The following FNBP1 variants were observed in gnomAD, a reference collection of about 807,000 sequenced individuals.
The protein encoded by FNBP1 is formin binding protein 1.
Under a neutral mutation model 90.6 loss-of-function variants are expected in FNBP1, and 26 were observed. The observed-to-expected ratio is 0.29, with a 90% CI of 0.21 to 0.40. The LOEUF is 0.40. Ranked by LOEUF, FNBP1 falls within the 10% of genes least tolerant of loss-of-function variation. FNBP1 has a pLI of 1.00. For missense variants in FNBP1, 635 were observed against 768.0 expected (o/e 0.83, Z 2.05); for synonymous variants, 260 against 265.2 (o/e 0.98, Z 0.19).
intron 1 of FNBP1, among the ~76,000 whole-genome samples, chr9:129,998,543 C>T (rs2054359292): frequency 1.3e-5 from 2 of 151,654 alleles, no homozygotes; most frequent in South Asian, 2.1e-4. Flanking sequence ...AAGCCCTCTC[C>T]CTGTATGATT....
chr9:129,912,152 C>G (rs920384018), intron 11 of FNBP1, among the ~76,000 whole-genome samples: 1 of 152,042 alleles, frequency 6.6e-6, no homozygotes, highest in African/African-American at 2.4e-5. Flanking sequence ...CAGCCACTAT[C>G]TCCAGGTAGA....
Position 129,957,250 on chromosome 9 carries a change from C to A in FNBP1, c.513+110G>T. On this transcript the variant is annotated intron_variant, in intron 6 of 16. Coordinates refer to ENST00000446176, the MANE Select transcript of FNBP1 (RefSeq NM_015033.3). This position sits in a 1 kb window ranked among gnomAD's most constrained non-coding sequence, Gnocchi z 4.3. ...ATGGGGTTTCACCATCTTGGCCAGGCTGGTCTCGAACTCCTGGCCTCAGGT... is the reference window on the plus strand; with the variant it reads ...ATGGGGTTTCACCATCTTGGCCAGGATGGTCTCGAACTCCTGGCCTCAGGT... 1 of 722,284 alleles carries A rather than the reference C, an allele frequency of 1.4e-6. No homozygotes were observed. The highest frequency in any genetic ancestry group is 2.4e-6 in the Non-Finnish European group (1 of 425,120). 44.7% of individuals were successfully genotyped at this position (722,284 alleles called of 1,614,324 possible).
rs10988572 is a variant in FNBP1 at position 130,022,822 on chromosome 9, C to T, written c.24+20130G>A. Among the ~76,000 whole-genome samples the T allele has an allele frequency of 4.6e-5, 7 of 151,914 alleles. No individual in the cohort carries two copies. In the East Asian group the frequency reaches 7.7e-4, roughly 17 times the overall value. On this transcript the variant is annotated intron_variant, in intron 1 of 16. Transcript: ENST00000446176. Reference sequence around the variant, plus strand: ...CCAAGTACCTAGGACTACAGGTGTGCGTTAGCACGCCCAACTAATTTTTGT... The same window carrying T: ...CCAAGTACCTAGGACTACAGGTGTGTGTTAGCACGCCCAACTAATTTTTGT...
intron 11 of FNBP1, 48 bp downstream of exon 11, chr9:129,915,918 C>A: frequency 6.8e-7 from 1 of 1,481,102 alleles, no homozygotes; most frequent in Admixed American, 1.7e-5. Flanking sequence ...AAAGACACGC[C>A]AGAAAACCTG....
chr9:129,916,014 T>TA lies in FNBP1; in HGVS notation c.1171-35dup. The TA allele has an allele frequency of 2.6e-6, 4 of 1,547,988 alleles. No homozygotes were observed. In the Middle Eastern group the frequency reaches 5.0e-4, roughly 195 times the overall value. On this transcript the variant is annotated intron_variant, in intron 10 of 16. Transcript: ENST00000446176. ...AAAAATTGGAGAGGTATGGGAAAAA[T>TA]AGAGAGAAAGAGAGAGAGAAAGAGA...
chr9:129,909,014 A>G lies in FNBP1; in HGVS notation c.1186-15T>C. ...GGTGTTGCACCCTGCAGACACAAAT[A>G]TAAATGAGAAACCAGAAAGCCCCAG... On this transcript the variant is annotated splice_polypyrimidine_tract_variant and intron_variant, in intron 11 of 16. Coordinates refer to ENST00000446176, the MANE Select transcript of FNBP1 (RefSeq NM_015033.3). 6.4e-7 allele frequency: 1 copy of G among 1,573,058 alleles called. No homozygotes were observed. Among genetic ancestry groups the G allele is most frequent in the Non-Finnish European group, 8.7e-7 (1 of 1,143,118 alleles).
At chr9:129,974,518 T>C (rs1436083677) in intron 4 of FNBP1, among the ~76,000 whole-genome samples, 2 of 152,212 alleles carry the variant, frequency 1.3e-5, no homozygotes, top group East Asian at 1.9e-4. Flanking sequence ...ACCATAATGC[T>C]AATTCATCAT....
At chr9:129,904,387 A>T (rs764612226) in intron 12 of FNBP1, among the ~76,000 whole-genome samples, 1 of 152,108 alleles carries the variant, frequency 6.6e-6, no homozygotes, top group Non-Finnish European at 1.5e-5. Flanking sequence ...AGCTCTACTA[A>T]TTTTACCCTT....
chr9:129,890,414 CG>C lies in FNBP1; in HGVS notation c.*124del. ...GAGCATGCTGGAGAGAGAGAGAGACCGCCCCGCAGGGATGGGGCTGCGGAGG... is the reference window on the plus strand; with the variant it reads ...GAGCATGCTGGAGAGAGAGAGAGACCCCCCGCAGGGATGGGGCTGCGGAGG... On this transcript the variant is annotated 3_prime_UTR_variant, in exon 17 of 17. Coordinates refer to ENST00000446176, the MANE Select transcript of FNBP1 (RefSeq NM_015033.3). The surrounding 1 kb of genome is among the most constrained non-coding windows in gnomAD (Gnocchi z 5.8). 1.4e-6 allele frequency: 1 copy of C among 734,366 alleles called. No homozygotes were observed. Among genetic ancestry groups the C allele is most frequent in the South Asian group, 1.6e-5 (1 of 63,152 alleles). The allele number at this position is 734,366 out of a possible 1,614,324, so 45.5% of individuals were successfully genotyped here.
chr9:129,967,655 A>AGATGTCAAACAGGTGGCC (rs1334313204), intron 4 of FNBP1, among the ~76,000 whole-genome samples: 1 of 152,178 alleles, frequency 6.6e-6, no homozygotes, highest in East Asian at 1.9e-4. Flanking sequence ...ATCTAAGGAG[A>AGATGTCAAACAGGTGGCC]GATGTCAAAC....
rs983389971 is a variant in FNBP1, at chr9:129,900,348, C to T, written c.1550+78G>A. The T allele has an allele frequency of 2.1e-6, 3 of 1,405,212 alleles. No individual in the cohort carries two copies. Among genetic ancestry groups the T allele is most frequent in the Non-Finnish European group, 2.8e-6 (3 of 1,066,102 alleles). The allele number at this position is 1,405,212 out of a possible 1,614,324, so 87.0% of individuals were successfully genotyped here. A position where few individuals can be genotyped will look rare whatever the true frequency, so the allele number is the denominator to read the frequency against. ...ATTGAACAAGTGCCTTATGGTCATT[C>T]CAGATTCCAAAATTTAGAAATAAAT... On this transcript the variant is annotated intron_variant, in intron 14 of 16. Transcript: ENST00000446176. This position sits in a 1 kb window ranked among gnomAD's most constrained non-coding sequence, Gnocchi z 4.1.
At chr9:129,915,007 T>C in intron 11 of FNBP1, 1 of 355,404 alleles carries the variant, frequency 2.8e-6, no homozygotes, top group Non-Finnish European at 5.9e-6. Context: ...GTTTGACTGT[T>C]GACTAGGCAT....
At chr9:130,009,557 C>T (rs2056263615) in intron 1 of FNBP1, among the ~76,000 whole-genome samples, 1 of 151,964 alleles carries the variant, frequency 6.6e-6, no homozygotes, top group East Asian at 1.9e-4. Flanking sequence ...AATTCCAGCA[C>T]TTCAGGAGAC....
At chr9:130,007,250 A>AAG (rs891119986) in intron 1 of FNBP1, among the ~76,000 whole-genome samples, 1 of 148,842 alleles carries the variant, frequency 6.7e-6, no homozygotes, top group African/African-American at 2.6e-5. Context: ...AAAAAAAAAA[A>AAG]AAAAAAAGAA....
At chr9:129,937,445 A>G (rs954847744) in intron 6 of FNBP1, among the ~76,000 whole-genome samples, 4 of 152,260 alleles carry the variant, frequency 2.6e-5, no homozygotes, top group Middle Eastern at 6.8e-3. Context: ...AAGAATTTTT[A>G]AAGTTGGCCG....
rs544232075 is a variant in FNBP1, at chr9:129,888,230, G to T, written c.*2309C>A. 4.0e-4 allele frequency: 92 copies of T among 232,720 alleles called. No homozygotes were observed. Among genetic ancestry groups the T allele is most frequent in the African/African-American group, 1.9e-3 (86 of 45,422 alleles). The allele number at this position is 232,720 out of a possible 1,614,324, so 14.4% of individuals were successfully genotyped here. On this transcript the variant is annotated 3_prime_UTR_variant, in exon 17 of 17. Coordinates refer to ENST00000446176, the MANE Select transcript of FNBP1 (RefSeq NM_015033.3). ...ATGTTGCAAGAAATGAATCTATCCT[G>T]ACCCATAATATGAAAGATGTGACGC... is the stretch of plus-strand genomic sequence containing the variant.
intron 4 of FNBP1, among the ~76,000 whole-genome samples, chr9:129,970,428 A>G (rs2049278081): frequency 6.6e-6 from 1 of 150,482 alleles, no homozygotes; most frequent in Non-Finnish European, 1.5e-5. Context: ...CTGGTCTCAA[A>G]CTCGCCACCT....
At chr9:130,000,158 C>T (rs1212340925) in intron 1 of FNBP1, among the ~76,000 whole-genome samples, 1 of 152,118 alleles carries the variant, frequency 6.6e-6, no homozygotes, top group African/African-American at 2.4e-5. Flanking sequence ...GATCTTTTAC[C>T]TGTATATGAT....
At chr9:130,019,490 G>A (rs1036983162) in intron 1 of FNBP1, among the ~76,000 whole-genome samples, 1 of 152,036 alleles carries the variant, frequency 6.6e-6, no homozygotes, top group Admixed American at 6.6e-5. Flanking sequence ...AAATATTTTG[G>A]AATATCAATT....
Sources: gnomAD v4.1 joint callset for allele counts (sites outside exome capture counted in the v4.1 genomes callset) on GRCh38, gnomAD v4.1.1 for gene constraint, Gnocchi (gnomAD v3.1) non-coding constraint, MANE v1.5 for transcripts, NCBI Gene and HGNC (gene_info 2026-07-23, HGNC 2026-07-21) for gene names.